The following NOS1 variants were observed in gnomAD, a reference collection of about 807,000 sequenced individuals.
The protein encoded by NOS1 is nitric oxide synthase 1.
A neutral mutation model predicts 164.5 loss-of-function variants in NOS1; 51 were observed. That is an observed-to-expected ratio of 0.31 (90% confidence interval 0.25 to 0.39). The LOEUF (loss-of-function observed/expected upper bound fraction) is 0.39. NOS1 is among the 10% of genes least tolerant of loss of function. The pLI is 1.00. For synonymous variants in NOS1, 719 were observed against 745.8 expected (o/e 0.96, Z 0.59); for missense variants, 1,362 against 1,885.6 (o/e 0.72, Z 5.14).
chr12:117,219,275 C>T (rs1956661253), intron 27 of NOS1, among the ~76,000 whole-genome samples: 1 of 151,238 alleles, frequency 6.6e-6, no homozygotes. Flanking sequence ...GCCACTGCAC[C>T]CAGCCATTTT....
chr12:117,264,146 A>AG (rs11314930), intron 12 of NOS1, among the ~76,000 whole-genome samples, 172 bp from the exon 13 acceptor site: 17,153 of 113,378 alleles, frequency 0.15, 1,345 homozygotes, highest in African/African-American at 0.29. Context: ...GGTTGGGGGG[A>AG]GGGGGGGGGT....
intron 20 of NOS1, among the ~76,000 whole-genome samples, chr12:117,239,962 G>C (rs1418046563): frequency 6.6e-6 from 1 of 151,200 alleles, no homozygotes; most frequent in Non-Finnish European, 1.5e-5. Flanking sequence ...GCCTCCTCTG[G>C]ATTGGTGGGG....
At chr12:117,235,370 A>G (rs1869618461) in intron 20 of NOS1, among the ~76,000 whole-genome samples, 1 of 151,914 alleles carries the variant, frequency 6.6e-6, no homozygotes, top group Non-Finnish European at 1.5e-5. Context: ...GGATTCTAGC[A>G]CCCCATTCTC....
intron 1 of NOS1, among the ~76,000 whole-genome samples, chr12:117,355,256 C>G (rs1876804454): frequency 6.6e-6 from 1 of 152,196 alleles, no homozygotes; most frequent in South Asian, 2.1e-4. Context: ...AATGCCCAGG[C>G]TGGAAATGGG....
At chr12:117,336,491 C>T (rs1188250951) in intron 1 of NOS1, among the ~76,000 whole-genome samples, 9 of 152,134 alleles carry the variant, frequency 5.9e-5, no homozygotes, top group African/African-American at 2.2e-4. Flanking sequence ...GTGGCAGGTT[C>T]AGTTGCAATG....
intron 5 of NOS1, among the ~76,000 whole-genome samples, chr12:117,286,843 C>T (rs990297321): frequency 3.9e-5 from 6 of 152,194 alleles, no homozygotes; most frequent in African/African-American, 1.2e-4. Flanking sequence ...CATTCTCATA[C>T]ACTTGTTCAT....
intron 1 of NOS1, among the ~76,000 whole-genome samples, chr12:117,345,869 A>C (rs1876325679): frequency 6.6e-6 from 1 of 152,216 alleles, no homozygotes; most frequent in Non-Finnish European, 1.5e-5. Context: ...AAACAAACAA[A>C]CAAAAAAACA....
chr12:117,321,011 A>C (rs1207255564), intron 2 of NOS1, among the ~76,000 whole-genome samples: 1 of 151,672 alleles, frequency 6.6e-6, no homozygotes, highest in Non-Finnish European at 1.5e-5. Flanking sequence ...GCATGTGTCT[A>C]TTTATTTATT....
Position 117,227,436 on chromosome 12 carries a change from G to C in NOS1, c.3611C>G (p.Thr1204Ser), listed in dbSNP as rs778501823. ...CTCCCAGTGCCTCCGCCCACCTCGA[G>C]TGCGGTAGGAAACGATGGCCACAGT... The part of the protein sequence containing the change: ...HLTVAIVSYR[T>S]RDGEGPIHHG... Residue 1204 changes from threonine (T) to serine (S), a missense_variant, in exon 23 of 29, where the codon ACT (threonine) becomes AGT (serine). Physicochemically the swap from Thr to Ser is moderately conservative, Grantham distance 58 (BLOSUM62 1). Around this residue, in one of 4 missense-constraint regions of NOS1, gnomAD observed 737 missense variants for 1,030.3 expected, o/e 0.72. Coordinates refer to ENST00000317775, the MANE Select transcript of NOS1 (RefSeq NM_000620.5). 6.2e-7 allele frequency: 1 copy of C among 1,613,864 alleles called. No homozygotes were observed. Among genetic ancestry groups the C allele is most frequent in the African/African-American group, 1.3e-5 (1 of 75,066 alleles).
intron 13 of NOS1, among the ~76,000 whole-genome samples, chr12:117,262,619 C>T (rs945440697): frequency 6.6e-6 from 1 of 152,020 alleles, no homozygotes. Context: ...GTCTCTGGGG[C>T]CCATGGCTTA....
Position 117,212,071 on chromosome 12 carries a change from A to G in NOS1, c.*3238T>C, listed in dbSNP as rs1956536245. The G allele has an allele frequency of 1.1e-6, 1 of 950,200 alleles. No homozygotes were observed. Among genetic ancestry groups the G allele is most frequent in the African/African-American group, 1.8e-5 (1 of 56,378 alleles). 58.9% of individuals were successfully genotyped at this position (950,200 alleles called of 1,614,324 possible). A position where few individuals can be genotyped will look rare whatever the true frequency, so the allele number is the denominator to read the frequency against. On this transcript the variant is annotated 3_prime_UTR_variant, in exon 29 of 29. Transcript: ENST00000317775. ...ACAGAGCAAGACTCTGTCAAAAAAAAAAATAGATTCTAACCTTCTGCACGA... is the reference window on the plus strand; with the variant it reads ...ACAGAGCAAGACTCTGTCAAAAAAAGAAATAGATTCTAACCTTCTGCACGA...
chr12:117,285,378 C>A, intron 6 of NOS1, 46 bp from the exon 7 acceptor site: 1 of 1,281,954 alleles, frequency 7.8e-7, no homozygotes, highest in South Asian at 1.3e-5. Flanking sequence ...CTTTCCCTCC[C>A]CAGCTCCCCC....
chr12:117,261,117 C>T lies in NOS1; in HGVS notation c.2223-508G>A, dbSNP rs151071998. On this transcript the variant is annotated intron_variant, in intron 13 of 28. Coordinates refer to ENST00000317775, the MANE Select transcript of NOS1 (RefSeq NM_000620.5). ...CCAGGAGGTGGAGGTTGCAGTGAGC[C>T]GAGATCGCACCACTGGGCACCACTG... Among the ~76,000 whole-genome samples, 307 of 139,016 alleles carry T rather than the reference C, an allele frequency of 2.2e-3. 8 individuals are homozygous for T. Among genetic ancestry groups the T allele is most frequent in the Admixed American group, 0.017 (216 of 12,688 alleles). 91.2% of individuals were successfully genotyped at this position (139,016 alleles called of 152,430 possible). A position where few individuals can be genotyped will look rare whatever the true frequency, so the allele number is the denominator to read the frequency against.
chr12:117,247,093 T>G (rs9658465), intron 18 of NOS1, among the ~76,000 whole-genome samples: 3,336 of 152,278 alleles, frequency 0.022, 117 homozygotes, highest in African/African-American at 0.075. Flanking sequence ...AGCCCTGACA[T>G]TCCAAGACTC....
chr12:117,345,570 A>C (rs747624466), intron 1 of NOS1, among the ~76,000 whole-genome samples: 1 of 152,236 alleles, frequency 6.6e-6, no homozygotes, highest in Non-Finnish European at 1.5e-5. Flanking sequence ...AAGAAGCTTA[A>C]AATATATATT....
chr12:117,210,142 T>A lies in NOS1; in HGVS notation c.*5167A>T, dbSNP rs1399138005. ...AGCATGCCATCATGCCCAGCTAATT[T>A]TTTTTTTTTTTTTTTTTTAGTAGAG... On this transcript the variant is annotated 3_prime_UTR_variant, in exon 29 of 29. Transcript: ENST00000317775. 8.5e-6 allele frequency: 2 copies of A among 236,542 alleles called. No individual in the cohort carries two copies. Among genetic ancestry groups the A allele is most frequent in the Non-Finnish European group, 9.9e-6 (2 of 201,694 alleles). The allele number at this position is 236,542 out of a possible 1,614,324, so 14.7% of individuals were successfully genotyped here.
chr12:117,337,514 G>A (rs898432196), intron 1 of NOS1, among the ~76,000 whole-genome samples: 4 of 152,116 alleles, frequency 2.6e-5, no homozygotes, highest in Admixed American at 6.5e-5. Flanking sequence ...GAGTGTGACC[G>A]TTGTTCTTTC....
rs1370827677 is a variant in NOS1 at position 117,356,544 on chromosome 12, A to G, written c.-421+4968T>C. ...GCTTAGCCAGACTACAGGTTTCATT[A>G]GAATGGGGCTCACACCACCTTTATC... On this transcript the variant is annotated intron_variant, in intron 1 of 28. Transcript: ENST00000317775. The surrounding 1 kb of genome is among the most constrained non-coding windows in gnomAD (Gnocchi z 4.2). Among the ~76,000 whole-genome samples, 1 of 152,228 alleles carries G rather than the reference A, an allele frequency of 6.6e-6. No homozygotes were observed. The highest frequency in any genetic ancestry group is 1.5e-5 in the Non-Finnish European group (1 of 68,036).
At chr12:117,358,998 G>A (rs1876988630) in intron 1 of NOS1, among the ~76,000 whole-genome samples, 1 of 152,242 alleles carries the variant, frequency 6.6e-6, no homozygotes, top group East Asian at 1.9e-4. Flanking sequence ...TACCAGCTAG[G>A]TGACTATGGC....
Sources: gnomAD v4.1 joint callset for allele counts (sites outside exome capture counted in the v4.1 genomes callset) on GRCh38, gnomAD v4.1.1 for gene constraint, gnomAD v4.1.1 regional missense constraint, Gnocchi (gnomAD v3.1) non-coding constraint, MANE v1.5 for transcripts, NCBI Gene and HGNC (gene_info 2026-07-23, HGNC 2026-07-21) for gene names.